The following CACNA1I variants were observed in gnomAD, a reference collection of about 807,000 sequenced individuals.
CACNA1I encodes the protein calcium voltage-gated channel subunit alpha1 I.
Under a neutral mutation model 201.6 loss-of-function variants are expected in CACNA1I, and 74 were observed. The observed-to-expected ratio is 0.37, with a 90% CI of 0.30 to 0.45. The LOEUF (loss-of-function observed/expected upper bound fraction) is 0.45, where lower values mean the gene tolerates loss of function less well. Ranked by LOEUF, CACNA1I falls within the 20% of genes least tolerant of loss-of-function variation. The pLI, the probability that CACNA1I is intolerant of heterozygous loss-of-function variation, is 1.00. For missense variants in CACNA1I, 2,346 were observed against 3,138.1 expected, an observed-to-expected ratio of 0.75 and a Z score of 6.03; for synonymous variants, 1,431 against 1,345.2, an observed-to-expected ratio of 1.06 and a Z score of -1.40.
intron 1 of CACNA1I, among the ~76,000 whole-genome samples, chr22:39,576,611 G>A (rs1293021386): frequency 1.3e-5 from 2 of 152,222 alleles, no homozygotes; most frequent in African/African-American, 2.4e-5. Context: ...TGCATAGTGC[G>A]GAAGCCAGTC....
At chr22:39,623,902 G>A (rs1188280631) in intron 4 of CACNA1I, among the ~76,000 whole-genome samples, 1 of 141,334 alleles carries the variant, frequency 7.1e-6, no homozygotes, top group Non-Finnish European at 1.5e-5. Context: ...GTGTGTGTGC[G>A]CCTGTGAGGG....
chr22:39,637,995 A>G (rs957772706), intron 5 of CACNA1I, among the ~76,000 whole-genome samples: 7 of 152,026 alleles, frequency 4.6e-5, no homozygotes, highest in Non-Finnish European at 2.9e-5. Flanking sequence ...GTGCAGTGGC[A>G]TGATCTCAGC....
chr22:39,608,618 C>T (rs998137153), intron 3 of CACNA1I, among the ~76,000 whole-genome samples: 2 of 150,638 alleles, frequency 1.3e-5, no homozygotes, highest in African/African-American at 4.9e-5. Context: ...GTGGATGGAT[C>T]GCTTGAGCTC....
chr22:39,640,727 A>G lies in CACNA1I; in HGVS notation c.741-140A>G, dbSNP rs538595266. 1.1e-5 allele frequency: 8 copies of G among 699,396 alleles called. No individual in the cohort carries two copies. The South Asian group carries it at 1.3e-4, about 11-fold the overall frequency. The allele number at this position is 699,396 out of a possible 1,614,324, so 43.3% of individuals were successfully genotyped here. ...ATAACAGAGGTGGGGAAGGGTGACC[A>G]AGGCAGGGGAACAGCATGTGCCAAG... On this transcript the variant is annotated intron_variant, in intron 5 of 36. Transcript: ENST00000402142.
Position 39,629,195 on chromosome 22 carries a change from C to T in CACNA1I, c.581-5370C>T, listed in dbSNP as rs1342756927. 2.0e-5 allele frequency among the ~76,000 whole-genome samples: 3 copies of T among 152,170 alleles called. No individual in the cohort carries two copies. Among genetic ancestry groups the T allele is most frequent in the Non-Finnish European group, 2.9e-5 (2 of 68,030 alleles). On this transcript the variant is annotated intron_variant, in intron 4 of 36. Coordinates refer to ENST00000402142, the MANE Select transcript of CACNA1I (RefSeq NM_021096.4). The surrounding 1 kb of genome is among the most constrained non-coding windows in gnomAD (Gnocchi z 4.8). ...TTCAGTGCTGTCTAGAGACCGTCCTCACCCTGGTGCTCCACATGACGCTCC... is the reference window on the plus strand; with the variant it reads ...TTCAGTGCTGTCTAGAGACCGTCCTTACCCTGGTGCTCCACATGACGCTCC...
In CACNA1I at chr22:39,662,779, C is replaced by T. The variant is rs1935068938; in HGVS notation, c.3376C>T (p.Leu1126=). The change falls in exon 18 of 37, where the codon CTG becomes TTG. Residue 1126 remains leucine (L), a synonymous_variant. Transcript: ENST00000402142. The part of the protein sequence containing the change: ...GEDEEEIDYT[L]CFRVRKMIDV... ...CGCTCCGTCCTCCTCTTGCTAGACC[C>T]TGTGCTTCCGCGTCCGCAAGATGAT... is the stretch of plus-strand genomic sequence containing the variant. 1 of 1,579,696 alleles carries T rather than the reference C, an allele frequency of 6.3e-7. No homozygotes were observed. Among genetic ancestry groups the T allele is most frequent in the African/African-American group, 1.3e-5 (1 of 74,128 alleles).
rs569068290 is a variant in CACNA1I, at chr22:39,646,558, G to T, written c.1150-11G>T. 1.3e-6 allele frequency: 2 copies of T among 1,532,562 alleles called. No homozygotes were observed. Among genetic ancestry groups the T allele is most frequent in the South Asian group, 1.3e-5 (1 of 79,556 alleles). 94.9% of individuals were successfully genotyped at this position (1,532,562 alleles called of 1,614,324 possible). ...GTCCCTGTCCCTGTCCTCTCCTCCCGTTGGTCACAGGTGGGCTCCTTCTTC... is the reference window on the plus strand; with the variant it reads ...GTCCCTGTCCCTGTCCTCTCCTCCCTTTGGTCACAGGTGGGCTCCTTCTTC... On this transcript the variant is annotated splice_polypyrimidine_tract_variant and intron_variant, in intron 7 of 36. Coordinates refer to ENST00000402142, the MANE Select transcript of CACNA1I (RefSeq NM_021096.4).
In CACNA1I at chr22:39,665,003, C is replaced by G; in HGVS notation, c.3851+80C>G. ...CCACGGGTCGAATTGGGCCCTCACT[C>G]CGCCCTCCCCGCCCGCCCACTCGGT... is the stretch of plus-strand genomic sequence containing the variant. On this transcript the variant is annotated intron_variant, in intron 21 of 36. Transcript: ENST00000402142. The surrounding 1 kb of genome is among the most constrained non-coding windows in gnomAD (Gnocchi z 5.5). 4 of 1,272,458 alleles carry G rather than the reference C, an allele frequency of 3.1e-6. No homozygotes were observed. The highest frequency in any genetic ancestry group is 4.4e-6 in the Non-Finnish European group (4 of 910,818). The allele number at this position is 1,272,458 out of a possible 1,614,324, so 78.8% of individuals were successfully genotyped here. A position where few individuals can be genotyped will look rare whatever the true frequency, so the allele number is the denominator to read the frequency against.
intron 10 of CACNA1I, among the ~76,000 whole-genome samples, chr22:39,651,916 G>A (rs553905877): frequency 7.2e-5 from 11 of 152,208 alleles, no homozygotes; most frequent in South Asian, 6.2e-4. Flanking sequence ...TCAACACCAC[G>A]GCCAGGGCAG....
chr22:39,574,383 C>T (rs924845284), intron 1 of CACNA1I, among the ~76,000 whole-genome samples: 1 of 152,020 alleles, frequency 6.6e-6, no homozygotes, highest in Admixed American at 6.6e-5. Context: ...GTTCCACAAA[C>T]AGAGACCCAG....
chr22:39,576,711 G>A (rs965463130), intron 1 of CACNA1I, among the ~76,000 whole-genome samples: 15 of 152,178 alleles, frequency 9.9e-5, no homozygotes, highest in Non-Finnish European at 1.5e-5. Flanking sequence ...AACCCTTTGC[G>A]CCCTCGTCTC....
At position 39,677,925 on chromosome 22, in the gene CACNA1I, G is replaced by A; in HGVS notation, c.4934-62G>A. 6.6e-7 allele frequency: 1 copy of A among 1,515,638 alleles called. No individual in the cohort carries two copies. The highest frequency in any genetic ancestry group is 8.9e-7 in the Non-Finnish European group (1 of 1,129,686). The allele number at this position is 1,515,638 out of a possible 1,614,324, so 93.9% of individuals were successfully genotyped here. ...TCTGAGGCGAGGCGGGAGGCACCAGGTCAGGGTGAGCCCCGCAGGCACTCC... is the reference window on the plus strand; with the variant it reads ...TCTGAGGCGAGGCGGGAGGCACCAGATCAGGGTGAGCCCCGCAGGCACTCC... On this transcript the variant is annotated intron_variant, in intron 30 of 36. Coordinates refer to ENST00000402142, the MANE Select transcript of CACNA1I (RefSeq NM_021096.4). The surrounding 1 kb of genome is among the most constrained non-coding windows in gnomAD (Gnocchi z 4.8).
chr22:39,681,824 G>A (rs920272193), intron 34 of CACNA1I, among the ~76,000 whole-genome samples: 3 of 152,284 alleles, frequency 2.0e-5, no homozygotes, highest in South Asian at 2.1e-4. Flanking sequence ...TGTGGGGCCA[G>A]TTCCTCCTGT....
intron 1 of CACNA1I, among the ~76,000 whole-genome samples, chr22:39,584,974 A>G (rs948308362): frequency 6.6e-6 from 1 of 152,232 alleles, no homozygotes; most frequent in African/African-American, 2.4e-5. Flanking sequence ...AACAAATAAT[A>G]TATGTTTCTT....
chr22:39,644,820 T>C (rs956745966), intron 7 of CACNA1I, among the ~76,000 whole-genome samples: 4 of 152,088 alleles, frequency 2.6e-5, no homozygotes, highest in Non-Finnish European at 5.9e-5. Context: ...CCTGAGTAGC[T>C]GGGACTATAG....
intron 17 of CACNA1I, 25 bp from the exon 18 acceptor site, chr22:39,662,751 C>T (rs557875460): frequency 3.4e-5 from 52 of 1,511,794 alleles, no homozygotes; most frequent in East Asian, 2.7e-4. Flanking sequence ...CGCTGACCCC[C>T]GGCGCTCCGT....
At chr22:39,632,138 C>T (rs551468457) in intron 4 of CACNA1I, among the ~76,000 whole-genome samples, 5 of 152,234 alleles carry the variant, frequency 3.3e-5, no homozygotes, top group African/African-American at 4.8e-5. Flanking sequence ...CGACAAAGGC[C>T]GGCCCGAGGG....
At chr22:39,664,689 C>CCT in intron 20 of CACNA1I, 50 bp from the exon 21 acceptor site, 1 of 796,348 alleles carries the variant, frequency 1.3e-6, no homozygotes, top group Admixed American at 2.2e-5. Context: ...CCCCGCCCAC[C>CCT]TGCCCGCCCC....
intron 1 of CACNA1I, among the ~76,000 whole-genome samples, chr22:39,573,084 G>C (rs931036288): frequency 6.6e-6 from 1 of 152,224 alleles, no homozygotes; most frequent in African/African-American, 2.4e-5. Flanking sequence ...AAAGCACTGG[G>C]GAAACCTCAG....
Sources: gnomAD v4.1 joint callset for allele counts (sites outside exome capture counted in the v4.1 genomes callset) on GRCh38, gnomAD v4.1.1 for gene constraint, Gnocchi (gnomAD v3.1) non-coding constraint, MANE v1.5 for transcripts, NCBI Gene and HGNC (gene_info 2026-07-23, HGNC 2026-07-21) for gene names.